The following HS6ST2 variants were observed in gnomAD, a reference collection of about 807,000 sequenced individuals.
The protein encoded by HS6ST2 is heparan sulfate 6-O-sulfotransferase 2.
In HS6ST2, 17 loss-of-function variants were observed where a neutral mutation model predicts 33.0. The observed-to-expected ratio is 0.52, with a 90% confidence interval of 0.35 to 0.77. The LOEUF (loss-of-function observed/expected upper bound fraction) is 0.77, where lower values mean the gene tolerates loss of function less well. Ranked by LOEUF, HS6ST2 falls within the 30% of genes least tolerant of loss-of-function variation. The pLI, the probability that HS6ST2 is intolerant of heterozygous loss-of-function variation, is 0.01. For synonymous variants in HS6ST2, 248 were observed against 237.1 expected (o/e 1.05, Z -0.42); for missense variants, 519 against 551.7 (o/e 0.94, Z 0.59).
Position 132,787,167 on chromosome X carries a change from G to GTGTATATA in HS6ST2, c.948-78674_948-78673insTATATACA, listed in dbSNP as rs1405731624. 7.1e-3 allele frequency among the ~76,000 whole-genome samples: 363 copies of GTGTATATA among 51,354 alleles called. 7 individuals are homozygous for GTGTATATA. Among genetic ancestry groups the GTGTATATA allele is most frequent in the African/African-American group, 0.015 (151 of 10,084 alleles). 44.6% of individuals were successfully genotyped at this position (51,354 alleles called of 115,157 possible). A position where few individuals can be genotyped will look rare whatever the true frequency, so the allele number is the denominator to read the frequency against. ...AAAGTGTGTGTGTGTATATATATAT[G>GTGTATATA]TATATATATATATATATATACATAT... On this transcript the variant is annotated intron_variant, in intron 2 of 4. Coordinates refer to ENST00000370833, the MANE Select transcript of HS6ST2 (RefSeq NM_001394073.1).
chrX:132,925,528 C>T (rs917756999), intron 2 of HS6ST2, among the ~76,000 whole-genome samples: 10 of 111,480 alleles, frequency 9.0e-5, no homozygotes, highest in African/African-American at 3.3e-4. Flanking sequence ...AGTTTCAGAA[C>T]TGAATTGAAT....
chrX:132,665,284 G>C (rs1229102984), intron 4 of HS6ST2, among the ~76,000 whole-genome samples: 2 of 111,779 alleles, frequency 1.8e-5, no homozygotes, highest in Non-Finnish European at 3.8e-5. Context: ...GGTGCAATTA[G>C]CTGAAGTATC....
chrX:132,924,852 G>A (rs1425812213), intron 2 of HS6ST2, among the ~76,000 whole-genome samples: 1 of 111,517 alleles, frequency 9.0e-6, no homozygotes, highest in African/African-American at 3.3e-5. Flanking sequence ...GCCGTGTGTC[G>A]TGGTGTGTGC....
chrX:132,674,253 T>A (rs1197313385), intron 3 of HS6ST2, among the ~76,000 whole-genome samples: 1 of 112,068 alleles, frequency 8.9e-6, no homozygotes, highest in Non-Finnish European at 1.9e-5. Context: ...AGTGTAACTA[T>A]GATCTCTCAG....
At chrX:132,675,958 G>A (rs1257290200) in intron 3 of HS6ST2, among the ~76,000 whole-genome samples, 1 of 111,104 alleles carries the variant, frequency 9.0e-6, no homozygotes, top group Non-Finnish European at 1.9e-5. Flanking sequence ...TAAATCAAGG[G>A]CTTTGCCCTT....
chrX:132,749,233 T>G (rs779390229), intron 2 of HS6ST2, among the ~76,000 whole-genome samples: 10 of 112,545 alleles, frequency 8.9e-5, no homozygotes, highest in Non-Finnish European at 1.9e-4. Context: ...GGTGACTGCC[T>G]TTTACCTCTG....
At chrX:132,782,715 T>G (rs2065026160) in intron 2 of HS6ST2, among the ~76,000 whole-genome samples, 1 of 111,335 alleles carries the variant, frequency 9.0e-6, no homozygotes, top group Non-Finnish European at 1.9e-5. Flanking sequence ...GAGGTAGATT[T>G]GAGATTGATC....
At chrX:132,846,158 A>G (rs1481762224) in intron 2 of HS6ST2, among the ~76,000 whole-genome samples, 1 of 112,526 alleles carries the variant, frequency 8.9e-6, no homozygotes, top group African/African-American at 3.2e-5. Flanking sequence ...CCATTTAACC[A>G]GGTAAAAACC....
chrX:132,881,187 C>T (rs1351704524), intron 2 of HS6ST2, among the ~76,000 whole-genome samples: 3 of 110,978 alleles, frequency 2.7e-5, no homozygotes, highest in Non-Finnish European at 3.8e-5. Context: ...TTCTAGATCC[C>T]TGAGGACTCG....
chrX:132,798,084 A>G (rs1000046849), intron 2 of HS6ST2, among the ~76,000 whole-genome samples: 1 of 105,135 alleles, frequency 9.5e-6, no homozygotes, highest in Non-Finnish European at 2.0e-5. Context: ...CCCATTCCCA[A>G]TGGGGCACCT....
At chrX:132,949,902 G>A (rs2066994232) in intron 2 of HS6ST2, among the ~76,000 whole-genome samples, 2 of 110,352 alleles carry the variant, frequency 1.8e-5, no homozygotes, top group African/African-American at 6.6e-5. Context: ...AATTGTAGTC[G>A]TACTGGGTCC....
chrX:132,724,568 G>A (rs1166048478), intron 2 of HS6ST2, among the ~76,000 whole-genome samples: 2 of 111,413 alleles, frequency 1.8e-5, no homozygotes, highest in South Asian at 3.8e-4. Context: ...TTGTTAAAAC[G>A]TCCATACTAC....
intron 4 of HS6ST2, among the ~76,000 whole-genome samples, chrX:132,636,246 C>T (rs770105249): frequency 1.5e-4 from 17 of 111,433 alleles, no homozygotes; most frequent in Non-Finnish European, 2.6e-4. Context: ...TAGGAAAATG[C>T]GTATCTTATT....
At chrX:132,908,226 C>A (rs1482911287) in intron 2 of HS6ST2, among the ~76,000 whole-genome samples, 1 of 46,739 alleles carries the variant, frequency 2.1e-5, no homozygotes, top group African/African-American at 8.6e-5. Flanking sequence ...CCTTCACAAA[C>A]CTGCTAAGAC....
intron 4 of HS6ST2, among the ~76,000 whole-genome samples, chrX:132,657,332 T>C (rs1208166481): frequency 9.0e-6 from 1 of 110,912 alleles, no homozygotes; most frequent in African/African-American, 3.3e-5. Flanking sequence ...AAGCTGGGTA[T>C]GTGTAGTTAG....
At chrX:132,853,341 T>TA (rs2065822991) in intron 2 of HS6ST2, among the ~76,000 whole-genome samples, 6 of 106,278 alleles carry the variant, frequency 5.6e-5, no homozygotes, top group African/African-American at 2.1e-4. Flanking sequence ...TCTTTTTTTT[T>TA]AGAGATGGTC....
intron 2 of HS6ST2, among the ~76,000 whole-genome samples, chrX:132,866,653 C>T (rs200900154): frequency 1.3e-5 from 1 of 75,403 alleles, no homozygotes; most frequent in South Asian, 8.4e-4. Flanking sequence ...CTTTTATTTC[C>T]TTGAGCAGTG....
chrX:132,770,037 C>T (rs755781755), intron 2 of HS6ST2, among the ~76,000 whole-genome samples: 1 of 112,136 alleles, frequency 8.9e-6, no homozygotes, highest in East Asian at 2.8e-4. Flanking sequence ...GCATTTGTTA[C>T]TTCATTGAAT....
At chrX:132,790,409 T>C (rs1438617045) in intron 2 of HS6ST2, among the ~76,000 whole-genome samples, 1 of 112,254 alleles carries the variant, frequency 8.9e-6, no homozygotes, top group Non-Finnish European at 1.9e-5. Context: ...ATGTTGTAAA[T>C]ATAACTTCTA....
Sources: gnomAD v4.1 joint callset for allele counts (sites outside exome capture counted in the v4.1 genomes callset) on GRCh38, gnomAD v4.1.1 for gene constraint, MANE v1.5 for transcripts, NCBI Gene and HGNC (gene_info 2026-07-23, HGNC 2026-07-21) for gene names.